CELF5: variants seen among roughly 807,000 people sequenced by gnomAD.
CELF5 encodes the protein CUGBP Elav-like family member 5, also known as CUG-BP and ETR-3 like factor 5.
Under a neutral mutation model 54.9 loss-of-function variants are expected in CELF5, and 6 were observed. That is an observed-to-expected ratio of 0.11 (90% CI 0.06 to 0.22). CELF5 has a LOEUF of 0.22. Ranked by LOEUF, CELF5 falls within the 10% of genes least tolerant of loss-of-function variation. The pLI is 1.00. For synonymous variants in CELF5, 271 were observed against 290.9 expected (o/e 0.93, Z 0.70); for missense variants, 401 against 678.6 (o/e 0.59, Z 4.54).
intron 10 of CELF5, 92 bp downstream of exon 10, chr19:3,286,117 A>ACCCGCGGGGCTGAGAGTGCGG (rs2080244699): frequency 8.6e-7 from 1 of 1,166,276 alleles, no homozygotes; most frequent in African/African-American, 1.6e-5. Flanking sequence ...GGCCTCTGGG[A>ACCCGCGGGGCTGAGAGTGCGG]CCCGCGGGGC....
intron 2 of CELF5, among the ~76,000 whole-genome samples, chr19:3,259,181 G>C (rs2079773245): frequency 6.6e-6 from 1 of 152,208 alleles, no homozygotes; most frequent in Non-Finnish European, 1.5e-5. Context: ...AACATGCCCA[G>C]TGTGCTGTTG....
chr19:3,259,200 C>G (rs2079773492), intron 2 of CELF5, among the ~76,000 whole-genome samples: 2 of 152,158 alleles, frequency 1.3e-5, no homozygotes, highest in Non-Finnish European at 2.9e-5. Flanking sequence ...TGAGTGGCAG[C>G]TCATGGGAGC....
Position 3,226,806 on chromosome 19 carries a change from A to G in CELF5, c.259+1808A>G, listed in dbSNP as rs1916948695. 1.3e-5 allele frequency among the ~76,000 whole-genome samples: 2 copies of G among 151,530 alleles called. 1 individual carries two copies. The highest frequency in any genetic ancestry group is 4.2e-4 in the South Asian group (2 of 4,790). On this transcript the variant is annotated intron_variant, in intron 1 of 12. Transcript: ENST00000292672. ...CCTTCTTATTTTTAAATCTCTGGGA[A>G]ACCTGGGCACGGGAGAAGTGAGGGG...
chr19:3,282,524 CT>C lies in CELF5; in HGVS notation c.1039+27del. Reference sequence around the variant, plus strand: ...GTAAATTGGGGTCGTCCTCTGGGGCCTAGGAGAGTGGTGGGGAATAAAGATG... The same window carrying C: ...GTAAATTGGGGTCGTCCTCTGGGGCCAGGAGAGTGGTGGGGAATAAAGATG... On this transcript the variant is annotated intron_variant, in intron 8 of 12. Coordinates refer to ENST00000292672, the MANE Select transcript of CELF5 (RefSeq NM_021938.4). This position sits in a 1 kb window ranked among gnomAD's most constrained non-coding sequence, Gnocchi z 5.2. The C allele has an allele frequency of 1.3e-6, 2 of 1,598,862 alleles. No individual in the cohort carries two copies. Among genetic ancestry groups the C allele is most frequent in the Non-Finnish European group, 1.7e-6 (2 of 1,172,622 alleles).
At position 3,264,574 on chromosome 19, in the gene CELF5, C is replaced by A. The variant is rs528309637; in HGVS notation, c.343-9298C>A. Among the ~76,000 whole-genome samples the A allele has an allele frequency of 6.6e-5, 10 of 152,026 alleles. No individual in the cohort carries two copies. In the South Asian group the frequency reaches 1.9e-3, roughly 28 times the overall value. ...GGGACTACAGGCACCCGCCACCACG[C>A]CCGGCTAATGTTTTTGTATTTTTAG... On this transcript the variant is annotated intron_variant, in intron 2 of 12. Transcript: ENST00000292672.
chr19:3,284,891 T>C lies in CELF5; in HGVS notation c.1040-11T>C. ...GCTCCCGCCCCACTCAGCCCCTCTG[T>C]CTGCCCGCAGCTCAGAGCCCGACTG... On this transcript the variant is annotated splice_polypyrimidine_tract_variant and intron_variant, in intron 8 of 12. Transcript: ENST00000292672. 1 of 1,612,898 alleles carries C rather than the reference T, an allele frequency of 6.2e-7. No individual in the cohort carries two copies. The highest frequency in any genetic ancestry group is 1.1e-5 in the South Asian group (1 of 90,948).
intron 1 of CELF5, among the ~76,000 whole-genome samples, chr19:3,232,395 A>T (rs867921205): frequency 4.0e-5 from 6 of 151,558 alleles, no homozygotes; most frequent in Non-Finnish European, 8.8e-5. Flanking sequence ...AATAAAAACC[A>T]TATCCAGGTG....
chr19:3,224,771 G>A lies in CELF5; in HGVS notation c.32G>A (p.Arg11Gln). ...CGCCTGACGGAGAGCGAGGCGCGCCGGCAGCAGCAGCAGCTCCTGCAGCCG... is the reference window on the plus strand; with the variant it reads ...CGCCTGACGGAGAGCGAGGCGCGCCAGCAGCAGCAGCAGCTCCTGCAGCCG... The part of the protein sequence containing the change: MARLTESEAR[R>Q]QQQQLLQPRP... Residue 11 changes from arginine to glutamine, a missense_variant, in exon 1 of 13, where the codon CGG becomes CAG. Arg to Gln is a conservative substitution (Grantham distance 43). This residue lies in a region of CELF5 where 46 missense variants were observed against 55.0 expected (regional missense o/e 0.84). Transcript: ENST00000292672. The A allele has an allele frequency of 2.1e-6, 3 of 1,446,222 alleles. No individual in the cohort carries two copies. The highest frequency in any genetic ancestry group is 2.7e-6 in the Non-Finnish European group (3 of 1,099,940). 89.6% of individuals were successfully genotyped at this position (1,446,222 alleles called of 1,614,324 possible).
chr19:3,224,671 G>T lies in CELF5; in HGVS notation c.-69G>T. The stretch of plus-strand genomic sequence containing the variant: ...GCCCGGGAGGGAGGCGGGAGGCGCG[G>T]CCGCCGCTCCAGCTGCGAGTCCGCC... On this transcript the variant is annotated 5_prime_UTR_variant, in exon 1 of 13. Coordinates refer to ENST00000292672, the MANE Select transcript of CELF5 (RefSeq NM_021938.4). The T allele has an allele frequency of 1.0e-6, 1 of 984,066 alleles. No homozygotes were observed. The highest frequency in any genetic ancestry group is 1.2e-6 in the Non-Finnish European group (1 of 830,042). 61.0% of individuals were successfully genotyped at this position (984,066 alleles called of 1,614,324 possible).
At position 3,282,399 on chromosome 19, in the gene CELF5, G is replaced by T; in HGVS notation, c.940G>T (p.Val314Leu). 6.2e-7 allele frequency: 1 copy of T among 1,612,316 alleles called. No individual in the cohort carries two copies. Residue 314 changes from valine to leucine, a missense_variant, in exon 8 of 13, where the codon GTG becomes TTG. Physicochemically the swap from Val to Leu is conservative, Grantham distance 32. Around this residue, in one of 6 missense-constraint regions of CELF5, gnomAD observed 143 missense variants for 147.6 expected, o/e 0.97. Coordinates refer to ENST00000292672, the MANE Select transcript of CELF5 (RefSeq NM_021938.4). This position sits in a 1 kb window ranked among gnomAD's most constrained non-coding sequence, Gnocchi z 5.2. Reference protein sequence around the residue: ...LLGTTAVPGLVAPITNGFAGV... With the variant: ...LLGTTAVPGLLAPITNGFAGV... ...GGGCACCACCGCTGTGCCTGGCCTC[G>T]TGGCTCCCATCACCAATGGCTTTGC...
At chr19:3,226,267 TTGAA>T (rs112499585) in intron 1 of CELF5, among the ~76,000 whole-genome samples, 56,476 of 150,248 alleles carry the variant, frequency 0.38, 11,184 homozygotes, top group East Asian at 0.7. Flanking sequence ...AATGAATGAA[TTGAA>T]TGAATGAATG....
chr19:3,283,103 T>C (rs557856242), intron 8 of CELF5, among the ~76,000 whole-genome samples: 1 of 152,324 alleles, frequency 6.6e-6, no homozygotes, highest in Non-Finnish European at 1.5e-5. Flanking sequence ...TAAATCTTAA[T>C]TATTCATCTG....
chr19:3,293,437 C>A lies in CELF5; in HGVS notation c.1449C>A (p.His483Gln). The change falls in exon 12 of 13, where the codon CAC becomes CAA. Residue 483 changes from histidine (H) to glutamine (Q), a missense_variant. His to Gln is a conservative substitution (Grantham distance 24). Transcript: ENST00000292672. ...VQLKRPKDPG[H>Q]PY Reference sequence around the variant, plus strand: ...TGAAGCGGCCCAAAGACCCGGGACACCCCTACTGACCGCGCCCACAGCCGC... The same window carrying A: ...TGAAGCGGCCCAAAGACCCGGGACAACCCTACTGACCGCGCCCACAGCCGC... 6.2e-7 allele frequency: 1 copy of A among 1,614,052 alleles called. No homozygotes were observed. Among genetic ancestry groups the A allele is most frequent in the Non-Finnish European group, 8.5e-7 (1 of 1,179,944 alleles).
intron 1 of CELF5, among the ~76,000 whole-genome samples, chr19:3,229,896 G>C (rs1291648486): frequency 1.3e-5 from 2 of 152,156 alleles, no homozygotes; most frequent in Non-Finnish European, 2.9e-5. Context: ...AAGGAGCAGA[G>C]GGGCTTGGGA....
intron 1 of CELF5, among the ~76,000 whole-genome samples, chr19:3,226,621 C>T (rs2144957163): frequency 6.6e-6 from 1 of 152,260 alleles, no homozygotes; most frequent in African/African-American, 2.4e-5. Flanking sequence ...ACACCCAAAG[C>T]ACCCATTTCT....
At chr19:3,236,913 C>T (rs896333099) in intron 1 of CELF5, among the ~76,000 whole-genome samples, 3 of 150,428 alleles carry the variant, frequency 2.0e-5, no homozygotes, top group South Asian at 2.1e-4. Context: ...CGCTTGAACC[C>T]GGGAGGCGGA....
intron 1 of CELF5, among the ~76,000 whole-genome samples, chr19:3,249,667 T>G (rs1283959784): frequency 6.6e-6 from 1 of 152,142 alleles, no homozygotes; most frequent in Non-Finnish European, 1.5e-5. Context: ...TTGGTCCTGA[T>G]TTCTGCCACC....
intron 2 of CELF5, among the ~76,000 whole-genome samples, chr19:3,265,210 T>A (rs1322550406): frequency 6.6e-6 from 1 of 152,076 alleles, no homozygotes; most frequent in African/African-American, 2.4e-5. Flanking sequence ...TGGTGGCTTG[T>A]GCCTGGCGTC....
Position 3,275,936 on chromosome 19 carries a change from G to T in CELF5, c.475G>T (p.Val159Phe). The T allele has an allele frequency of 6.2e-7, 1 of 1,610,666 alleles. No homozygotes were observed. Among genetic ancestry groups the T allele is most frequent in the Non-Finnish European group, 8.5e-7 (1 of 1,178,746 alleles). ...DVLRLFQPFGVIDECTVLRGP... is the reference protein window; with the variant it reads ...DVLRLFQPFGFIDECTVLRGP... ...GCTGCGGCTGTTCCAGCCCTTCGGG[G>T]TCATTGACGAGTGCACCGTGCTCCG... Residue 159 changes from valine to phenylalanine, a missense_variant, in exon 4 of 13, where the codon GTC (valine) becomes TTC (phenylalanine). Transcript: ENST00000292672. This position sits in a 1 kb window ranked among gnomAD's most constrained non-coding sequence, Gnocchi z 6.7.
Sources: gnomAD v4.1 joint callset for allele counts (sites outside exome capture counted in the v4.1 genomes callset) on GRCh38, gnomAD v4.1.1 for gene constraint, gnomAD v4.1.1 regional missense constraint, Gnocchi (gnomAD v3.1) non-coding constraint, MANE v1.5 for transcripts, NCBI Gene and HGNC (gene_info 2026-07-23, HGNC 2026-07-21) for gene names.